EYS: variants seen among roughly 807,000 people sequenced by gnomAD.
EYS encodes protein eyes shut homolog.
EYS carries 250 observed loss-of-function variants against 282.1 expected under a neutral mutation model. The observed-to-expected ratio is 0.89, with a 90% CI of 0.80 to 0.98. The LOEUF (loss-of-function observed/expected upper bound fraction) is 0.98. EYS is among the 50% of genes least tolerant of loss of function. The probability of loss-of-function intolerance (pLI) is 0.00; values close to 1 mark genes in which losing one functional copy is unlikely to be tolerated. For synonymous variants in EYS, 1,355 were observed against 1,282.9 expected, an observed-to-expected ratio of 1.06 and a Z score of -1.20; for missense variants, 4,016 against 3,709.0, an observed-to-expected ratio of 1.08 and a Z score of -2.15.
intron 11 of EYS, among the ~76,000 whole-genome samples, chr6:65,297,500 T>C (rs1768698816): frequency 6.6e-6 from 1 of 152,012 alleles, no homozygotes. Flanking sequence ...ACTGAGATTA[T>C]TAACGGTAGG....
chr6:65,611,215 C>G (rs1452623170), intron 2 of EYS, among the ~76,000 whole-genome samples: 1 of 149,926 alleles, frequency 6.7e-6, no homozygotes, highest in African/African-American at 2.4e-5. Context: ...GGCTACCCTT[C>G]CTTGGTATAT....
chr6:65,109,173 T>C (rs1324513969), intron 12 of EYS, among the ~76,000 whole-genome samples: 4 of 152,072 alleles, frequency 2.6e-5, no homozygotes, highest in Non-Finnish European at 4.4e-5. Context: ...TCTTTGATGA[T>C]AGTTATAATA....
rs187875986 is a variant in EYS at position 63,811,066 on chromosome 6, A to C, written c.7229-4694T>G. 1.4e-4 allele frequency among the ~76,000 whole-genome samples: 21 copies of C among 152,290 alleles called. No individual in the cohort carries two copies. In the East Asian group the frequency reaches 3.7e-3, roughly 27 times the overall value. ...TTTCAGAAATTCTGTCCTGCCTCCC[A>C]GGAGTTACCAAATTATTCTTCTCTA... On this transcript the variant is annotated intron_variant, in intron 36 of 42. Coordinates refer to ENST00000503581, the MANE Select transcript of EYS (RefSeq NM_001142800.2).
chr6:64,274,463 G>A (rs1474411359), intron 30 of EYS, among the ~76,000 whole-genome samples: 2 of 137,140 alleles, frequency 1.5e-5, no homozygotes, highest in Non-Finnish European at 3.1e-5. Context: ...TTACAGGCGC[G>A]AGCCACCACG....
intron 35 of EYS, among the ~76,000 whole-genome samples, chr6:63,972,088 G>T (rs2149784179): frequency 6.6e-6 from 1 of 152,264 alleles, no homozygotes; most frequent in African/African-American, 2.4e-5. Context: ...TGTTTTATGT[G>T]ATGTTAATAG....
intron 12 of EYS, among the ~76,000 whole-genome samples, chr6:65,280,845 C>T (rs1229782146): frequency 7.1e-6 from 1 of 140,362 alleles, no homozygotes; most frequent in East Asian, 2.0e-4. Context: ...AAGTGAAACC[C>T]CGTCTGTACT....
intron 12 of EYS, among the ~76,000 whole-genome samples, chr6:65,121,609 G>T (rs970530690): frequency 1.3e-5 from 2 of 152,146 alleles, no homozygotes; most frequent in Non-Finnish European, 2.9e-5. Context: ...AGTGATTAGA[G>T]AACATGTATA....
At chr6:63,983,699 A>G (rs1327770897) in intron 35 of EYS, among the ~76,000 whole-genome samples, 1 of 151,788 alleles carries the variant, frequency 6.6e-6, no homozygotes, top group Non-Finnish European at 1.5e-5. Context: ...TTCAGCTTCC[A>G]TTCTGTCATT....
intron 26 of EYS, among the ~76,000 whole-genome samples, chr6:64,559,997 T>C (rs1466950922): frequency 6.6e-6 from 1 of 152,126 alleles, no homozygotes; most frequent in Non-Finnish European, 1.5e-5. Context: ...CACTTATAAG[T>C]GAGAACATTC....
At chr6:65,605,477 G>C (rs1404398013) in intron 2 of EYS, among the ~76,000 whole-genome samples, 1 of 151,828 alleles carries the variant, frequency 6.6e-6, no homozygotes, top group Non-Finnish European at 1.5e-5. Context: ...CAGCCTTTTA[G>C]AAATACTCCT....
chr6:64,846,927 A>G (rs1371211005), intron 19 of EYS, among the ~76,000 whole-genome samples: 1 of 152,090 alleles, frequency 6.6e-6, no homozygotes, highest in East Asian at 1.9e-4. Flanking sequence ...GTTAACAACT[A>G]TTTCTGGGTG....
At position 63,726,650 on chromosome 6, in the gene EYS, C is replaced by T. The variant is rs566770059; in HGVS notation, c.8102G>A (p.Ser2701Asn). 1 of 1,551,188 alleles carries T rather than the reference C, an allele frequency of 6.4e-7. No individual in the cohort carries two copies. The highest frequency in any genetic ancestry group is 2.4e-5 in the East Asian group (1 of 40,878). ...ALSISDPSFR[S>N]NELSWMSFAS... is the part of the protein sequence containing the mutation. Reference sequence around the variant, plus strand: ...AAAAGACATCCAGGATAACTCATTGCTTCTGAAAGATGGATCACTTATGGA... The same window carrying T: ...AAAAGACATCCAGGATAACTCATTGTTTCTGAAAGATGGATCACTTATGGA... Residue 2701 changes from serine to asparagine, a missense_variant, in exon 42 of 43, where the codon AGC becomes AAC. Physicochemically the swap from Ser to Asn is conservative, Grantham distance 46. Transcript: ENST00000503581.
intron 12 of EYS, among the ~76,000 whole-genome samples, chr6:65,232,881 A>G (rs1482867939): frequency 6.6e-6 from 1 of 152,138 alleles, no homozygotes; most frequent in Non-Finnish European, 1.5e-5. Flanking sequence ...TAGACTTTTC[A>G]TATAAATGGA....
chr6:63,758,415 A>G (rs1021938000), intron 41 of EYS, among the ~76,000 whole-genome samples: 3 of 152,158 alleles, frequency 2.0e-5, no homozygotes, highest in Non-Finnish European at 4.4e-5. Context: ...CTATGTGAAC[A>G]TGGCCTGCAT....
intron 26 of EYS, among the ~76,000 whole-genome samples, chr6:64,470,774 T>C (rs1776100858): frequency 6.6e-6 from 1 of 151,174 alleles, no homozygotes; most frequent in Non-Finnish European, 1.5e-5. Context: ...ATGCTAACAC[T>C]GACAAAAACA....
intron 1 of EYS, among the ~76,000 whole-genome samples, chr6:65,681,619 A>C (rs1178146081): frequency 6.6e-6 from 1 of 151,922 alleles, no homozygotes; most frequent in Non-Finnish European, 1.5e-5. Flanking sequence ...AGCAGAAGAC[A>C]TGAGACTCCT....
intron 31 of EYS, among the ~76,000 whole-genome samples, chr6:64,122,664 TA>T (rs150099029): frequency 0.035 from 5,277 of 152,150 alleles, 269 homozygotes; most frequent in African/African-American, 0.11. Context: ...ATTAATATGT[TA>T]AAAAAATGAA....
At chr6:64,533,094 G>C (rs933742281) in intron 26 of EYS, among the ~76,000 whole-genome samples, 7 of 152,082 alleles carry the variant, frequency 4.6e-5, no homozygotes, top group African/African-American at 7.2e-5. Flanking sequence ...GTATTTGAAG[G>C]GTTCAAAGAT....
intron 12 of EYS, among the ~76,000 whole-genome samples, chr6:65,278,906 T>C (rs999311351): frequency 5.3e-5 from 8 of 152,094 alleles, no homozygotes; most frequent in Non-Finnish European, 1.2e-4. Context: ...ATGATACCTG[T>C]GGCCCAGCCC....
Sources: gnomAD v4.1 joint callset for allele counts (sites outside exome capture counted in the v4.1 genomes callset) on GRCh38, gnomAD v4.1.1 for gene constraint, MANE v1.5 for transcripts, NCBI Gene and HGNC (gene_info 2026-07-23, HGNC 2026-07-21) for gene names.